The following C12orf42 variants were observed in gnomAD, a reference collection of about 807,000 sequenced individuals.
The protein encoded by C12orf42 is uncharacterized protein C12orf42.
A neutral mutation model predicts 21.6 loss-of-function variants in C12orf42; 25 were observed. The ratio of observed to expected loss-of-function variants is 1.16; its 90% CI spans 0.84 to 1.62. The LOEUF (loss-of-function observed/expected upper bound fraction) is 1.62, where lower values mean the gene tolerates loss of function less well. Ranked by LOEUF, C12orf42 falls within the 40% of genes most tolerant of loss-of-function variation. The pLI is 0.00. For synonymous variants in C12orf42, 174 were observed against 175.0 expected, an observed-to-expected ratio of 0.99 and a Z score of 0.05; for missense variants, 483 against 459.3, an observed-to-expected ratio of 1.05 and a Z score of -0.47.
the C12orf42 span, among the ~76,000 whole-genome samples, chr12:103,517,738 T>C: frequency 3.3e-5 from 5 of 152,154 alleles, no homozygotes; most frequent in Non-Finnish European, 7.4e-5. Context: ...GTTGCTTATG[T>C]TTCTCTGTTA....
chr12:103,077,699 A>G, the C12orf42 span, among the ~76,000 whole-genome samples: 3 of 152,134 alleles, frequency 2.0e-5, no homozygotes, highest in African/African-American at 7.2e-5. Flanking sequence ...TCACTTTAAG[A>G]TATGAAAGAA....
intron 1 of C12orf42, among the ~76,000 whole-genome samples, chr12:103,482,386 T>G (rs1295436059): frequency 6.6e-6 from 1 of 152,096 alleles, no homozygotes; most frequent in Non-Finnish European, 1.5e-5. Context: ...CATCTTATAG[T>G]TTTCATTATT....
the C12orf42 span, among the ~76,000 whole-genome samples, chr12:103,070,036 C>T: frequency 6.6e-6 from 1 of 152,158 alleles, no homozygotes; most frequent in East Asian, 1.9e-4. Context: ...ACTGATGCAT[C>T]TTCTCTTTTT....
chr12:103,107,837 C>T, the C12orf42 span, among the ~76,000 whole-genome samples: 1 of 150,958 alleles, frequency 6.6e-6, no homozygotes, highest in Non-Finnish European at 1.5e-5. Flanking sequence ...TCTAGCTTGA[C>T]TGATTGAAAA....
At chr12:103,207,068 C>T in the C12orf42 span, among the ~76,000 whole-genome samples, 18 of 152,236 alleles carry the variant, frequency 1.2e-4, no homozygotes, top group South Asian at 4.1e-4. Flanking sequence ...TAAGGAAATG[C>T]GACATGTGCC....
At chr12:103,263,020 G>A (rs929381151) in intron 10 of C12orf42, among the ~76,000 whole-genome samples, 1 of 152,128 alleles carries the variant, frequency 6.6e-6, no homozygotes, top group African/African-American at 2.4e-5. Context: ...GATGAAGCTG[G>A]AAACCATCAT....
intron 3 of C12orf42, among the ~76,000 whole-genome samples, chr12:103,382,318 G>A (rs1042485860): frequency 2.0e-5 from 3 of 152,098 alleles, no homozygotes; most frequent in Non-Finnish European, 2.9e-5. Flanking sequence ...AAATGTCCAC[G>A]TCAGCATTGT....
chr12:103,442,164 A>T (rs1030831980), intron 2 of C12orf42, among the ~76,000 whole-genome samples: 5 of 152,132 alleles, frequency 3.3e-5, no homozygotes, highest in African/African-American at 1.2e-4. Context: ...AAGTAAATAA[A>T]GTCTGAAATT....
the C12orf42 span, among the ~76,000 whole-genome samples, chr12:103,048,759 T>A: frequency 6.6e-6 from 1 of 152,200 alleles, no homozygotes; most frequent in South Asian, 2.1e-4. Context: ...TGGATTCGCC[T>A]TGTAGCCTCC....
At chr12:103,115,151 A>G in the C12orf42 span, among the ~76,000 whole-genome samples, 1 of 152,204 alleles carries the variant, frequency 6.6e-6, no homozygotes, top group African/African-American at 2.4e-5. Context: ...TATTTTCAAA[A>G]TTAATCTCTC....
chr12:103,054,385 A>G, the C12orf42 span, among the ~76,000 whole-genome samples: 1 of 151,888 alleles, frequency 6.6e-6, no homozygotes. Context: ...CCACATATTC[A>G]TTGCTAGCAT....
chr12:103,074,554 T>C, the C12orf42 span, among the ~76,000 whole-genome samples: 1 of 152,058 alleles, frequency 6.6e-6, no homozygotes, highest in Non-Finnish European at 1.5e-5. Flanking sequence ...GATTATATGC[T>C]AGATAAAAAA....
At chr12:103,239,219 C>T (rs943466921) in intron 10 of C12orf42, among the ~76,000 whole-genome samples, 19 of 152,152 alleles carry the variant, frequency 1.2e-4, no homozygotes, top group African/African-American at 3.1e-4. Context: ...ACACATACAA[C>T]GCTCATGAAA....
chr12:103,436,591 G>A (rs1236376311), intron 2 of C12orf42, among the ~76,000 whole-genome samples: 1 of 149,726 alleles, frequency 6.7e-6, no homozygotes, highest in Non-Finnish European at 1.5e-5. Context: ...AAAAAGGCAG[G>A]GGTTGCAATC....
chr12:103,197,395 GT>G, the C12orf42 span, among the ~76,000 whole-genome samples: 1 of 152,124 alleles, frequency 6.6e-6, no homozygotes, highest in Non-Finnish European at 1.5e-5. Context: ...TAGTGAGTTT[GT>G]TTTAGCTTTT....
chr12:103,457,449 C>T (rs1952379507), intron 2 of C12orf42, among the ~76,000 whole-genome samples: 1 of 152,098 alleles, frequency 6.6e-6, no homozygotes, highest in Non-Finnish European at 1.5e-5. Flanking sequence ...AAAGATGAAG[C>T]TAATAATGCC....
chr12:103,265,408 C>T (rs748274243), downstream of C12orf42, among the ~76,000 whole-genome samples: 5 of 152,006 alleles, frequency 3.3e-5, no homozygotes, highest in East Asian at 1.9e-4. Context: ...CTTCCTTCTA[C>T]GGAAATTATA....
the C12orf42 span, among the ~76,000 whole-genome samples, chr12:103,506,601 A>G: frequency 1.3e-5 from 2 of 151,216 alleles, no homozygotes; most frequent in African/African-American, 4.9e-5. Context: ...TAGGAGCAAT[A>G]GGCTATACCA....
chr12:103,356,822 T>C (rs1315114188), intron 4 of C12orf42, among the ~76,000 whole-genome samples: 1 of 152,048 alleles, frequency 6.6e-6, no homozygotes, highest in African/African-American at 2.4e-5. Context: ...ATAAATGTCT[T>C]CTTTTGAGAA....
Sources: allele counts gnomAD v4.1 joint callset (sites outside exome capture counted in the v4.1 genomes callset), GRCh38; gene constraint gnomAD v4.1.1; transcripts MANE v1.5; gene names NCBI Gene and HGNC (gene_info 2026-07-23, HGNC 2026-07-21).